MDGA2: variants seen among roughly 807,000 people sequenced by gnomAD.
MDGA2 encodes the protein MAM domain-containing glycosylphosphatidylinositol anchor protein 2.
Under a neutral mutation model 117.8 loss-of-function variants are expected in MDGA2, and 40 were observed. The observed-to-expected ratio is 0.34, with a 90% CI of 0.26 to 0.44. The LOEUF is 0.44. Among genes scored for constraint, MDGA2 ranks in the 20% least tolerant of loss-of-function variants. The pLI is 1.00. For synonymous variants in MDGA2, 452 were observed against 439.0 expected, an observed-to-expected ratio of 1.03 and a Z score of -0.37; for missense variants, 1,123 against 1,250.6, an observed-to-expected ratio of 0.90 and a Z score of 1.54.
chr14:47,197,686 G>T (rs974867961), intron 3 of MDGA2, among the ~76,000 whole-genome samples: 18 of 152,164 alleles, frequency 1.2e-4, no homozygotes, highest in Admixed American at 9.2e-4. Context: ...CAAGGAGGGT[G>T]GATCACGAGG....
At chr14:46,874,460 A>G (rs912989293) in intron 12 of MDGA2, among the ~76,000 whole-genome samples, 6 of 151,916 alleles carry the variant, frequency 3.9e-5, no homozygotes, top group Non-Finnish European at 8.8e-5. Context: ...AAATATCCAG[A>G]TAACTGAAAT....
At chr14:47,222,420 A>G (rs980640887) in intron 2 of MDGA2, among the ~76,000 whole-genome samples, 2 of 152,142 alleles carry the variant, frequency 1.3e-5, no homozygotes, top group African/African-American at 2.4e-5. Context: ...GGTATTCAGT[A>G]AAGTACAGAG....
chr14:47,245,709 G>A (rs915363064), intron 2 of MDGA2, among the ~76,000 whole-genome samples: 1 of 151,744 alleles, frequency 6.6e-6, no homozygotes, highest in African/African-American at 2.4e-5. Flanking sequence ...AAACATACAA[G>A]ATTTTAAATT....
chr14:47,201,000 G>A (rs940639456), intron 3 of MDGA2: 10 of 858,818 alleles, frequency 1.2e-5, no homozygotes, highest in South Asian at 9.2e-5. Flanking sequence ...CGCAGCATAC[G>A]ACCACCACTT....
intron 10 of MDGA2, among the ~76,000 whole-genome samples, chr14:46,902,285 C>T (rs554217125): frequency 6.6e-6 from 1 of 152,200 alleles, no homozygotes; most frequent in African/African-American, 2.4e-5. Context: ...AAGTGGTAAT[C>T]AGTGGAACTG....
chr14:47,059,857 T>C (rs1308424429), intron 7 of MDGA2, among the ~76,000 whole-genome samples: 1 of 152,096 alleles, frequency 6.6e-6, no homozygotes, highest in Non-Finnish European at 1.5e-5. Flanking sequence ...CAAATTATCC[T>C]GGATCTACAA....
intron 8 of MDGA2, among the ~76,000 whole-genome samples, chr14:46,993,004 T>C (rs1887150400): frequency 6.6e-6 from 1 of 152,156 alleles, no homozygotes; most frequent in South Asian, 2.1e-4. Context: ...CCCCAATAAC[T>C]ATAACTTATA....
At position 47,351,078 on chromosome 14, in the gene MDGA2, A is replaced by AT. The variant is rs36042383; in HGVS notation, c.281-49529dup. Reference sequence around the variant, plus strand: ...AGGTCAGTGCCACCAGGCCCGGCTAATTTTTTTTTTTTTTTTTGAAACGAA... The same window carrying AT: ...AGGTCAGTGCCACCAGGCCCGGCTAATTTTTTTTTTTTTTTTTTGAAACGAA... On this transcript the variant is annotated intron_variant, in intron 1 of 16. Coordinates refer to ENST00000399232, the MANE Select transcript of MDGA2 (RefSeq NM_001113498.3). Among the ~76,000 whole-genome samples, 515 of 127,934 alleles carry AT rather than the reference A, an allele frequency of 4.0e-3. 5 individuals carry two copies. The highest frequency in any genetic ancestry group is 0.011 in the African/African-American group (394 of 35,184). The allele number at this position is 127,934 out of a possible 152,430, so 83.9% of individuals were successfully genotyped here. A position where few individuals can be genotyped will look rare whatever the true frequency, so the allele number is the denominator to read the frequency against.
intron 1 of MDGA2, among the ~76,000 whole-genome samples, chr14:47,447,515 T>C (rs559426592): frequency 1.4e-4 from 21 of 152,184 alleles, no homozygotes; most frequent in African/African-American, 3.9e-4. Context: ...ATATGTAAAA[T>C]CTCCACAGTG....
chr14:47,238,587 T>C (rs1215819753), intron 2 of MDGA2, among the ~76,000 whole-genome samples: 2 of 151,586 alleles, frequency 1.3e-5, no homozygotes, highest in African/African-American at 4.8e-5. Flanking sequence ...AACATCAACA[T>C]TATTAATTAA....
intron 14 of MDGA2, among the ~76,000 whole-genome samples, chr14:46,872,737 T>C (rs541006812): frequency 6.6e-6 from 1 of 152,088 alleles, no homozygotes; most frequent in African/African-American, 2.4e-5. Context: ...ATTTTAAAAA[T>C]TGATATTCAG....
intron 1 of MDGA2, among the ~76,000 whole-genome samples, chr14:47,639,422 A>G (rs888089952): frequency 1.3e-5 from 2 of 152,160 alleles, no homozygotes; most frequent in South Asian, 2.1e-4. Flanking sequence ...CCCTTTGAAT[A>G]TAACAGAGAC....
At chr14:46,981,834 G>T (rs866719381) in intron 8 of MDGA2, among the ~76,000 whole-genome samples, 3 of 152,172 alleles carry the variant, frequency 2.0e-5, no homozygotes, top group Non-Finnish European at 4.4e-5. Context: ...TTCTGAGTCT[G>T]CATTTTTAAT....
chr14:47,424,633 A>C (rs760359294), intron 1 of MDGA2, among the ~76,000 whole-genome samples: 2 of 152,154 alleles, frequency 1.3e-5, no homozygotes, highest in Non-Finnish European at 2.9e-5. Context: ...TTAAGCAAAC[A>C]GTGAAATTCT....
At chr14:46,858,329 T>C (rs976941148) in intron 14 of MDGA2, among the ~76,000 whole-genome samples, 2 of 151,856 alleles carry the variant, frequency 1.3e-5, no homozygotes, top group Admixed American at 1.3e-4. Context: ...CTTTATCCAT[T>C]CACGCATTTT....
intron 1 of MDGA2, among the ~76,000 whole-genome samples, chr14:47,397,297 A>T (rs533104070): frequency 2.0e-5 from 3 of 152,088 alleles, no homozygotes; most frequent in African/African-American, 7.2e-5. Context: ...ACATAAACAC[A>T]GGGAGGGTAA....
At chr14:46,860,303 T>A (rs1161963610) in intron 14 of MDGA2, among the ~76,000 whole-genome samples, 1 of 152,006 alleles carries the variant, frequency 6.6e-6, no homozygotes, top group East Asian at 1.9e-4. Context: ...GCACATTTAT[T>A]ATTATATAAA....
At position 47,218,951 on chromosome 14, in the gene MDGA2, C is replaced by A. The variant is rs538990638; in HGVS notation, c.421-756G>T. 2.4e-4 allele frequency among the ~76,000 whole-genome samples: 36 copies of A among 152,092 alleles called. No individual in the cohort carries two copies. The South Asian group carries it at 7.3e-3, about 31-fold the overall frequency. On this transcript the variant is annotated intron_variant, in intron 2 of 16. Transcript: ENST00000399232. ...CTACAACAGACTTCGTTTTTGCTGG[C>A]AATAATGACTGGTATTCAACTCAAC...
chr14:46,925,628 C>A (rs1411006176), intron 9 of MDGA2, among the ~76,000 whole-genome samples: 3 of 98,842 alleles, frequency 3.0e-5, no homozygotes, highest in African/African-American at 1.2e-4. Flanking sequence ...CAAGACTCTA[C>A]CTCAAAAAAA....
Sources: allele counts gnomAD v4.1 joint callset (sites outside exome capture counted in the v4.1 genomes callset), GRCh38; gene constraint gnomAD v4.1.1; transcripts MANE v1.5; gene names NCBI Gene and HGNC (gene_info 2026-07-23, HGNC 2026-07-21).